Variants in RASA3 observed in about 807,000 individuals in gnomAD.
RASA3 encodes the protein RAS p21 protein activator 3.
A neutral mutation model predicts 110.0 loss-of-function variants in RASA3; 73 were observed. The observed-to-expected ratio is 0.66, with a 90% CI of 0.55 to 0.81. RASA3 has a LOEUF of 0.81. Among genes scored for constraint, RASA3 ranks in the 30% least tolerant of loss-of-function variants. The probability of loss-of-function intolerance (pLI) is 0.00; values close to 1 mark genes in which losing one functional copy is unlikely to be tolerated. For missense variants in RASA3, 976 were observed against 1,113.2 expected (o/e 0.88, Z 1.75); for synonymous variants, 500 against 451.4 (o/e 1.11, Z -1.37).
At chr13:114,021,954 C>G (rs935095213) in intron 8 of RASA3, among the ~76,000 whole-genome samples, 5 of 152,164 alleles carry the variant, frequency 3.3e-5, no homozygotes, top group Non-Finnish European at 1.5e-5. Flanking sequence ...GCTGTGTGCA[C>G]CCAGGAGCTA....
At chr13:114,042,393 C>T (rs1454665198) in intron 3 of RASA3, among the ~76,000 whole-genome samples, 1 of 152,270 alleles carries the variant, frequency 6.6e-6, no homozygotes, top group Non-Finnish European at 1.5e-5. Flanking sequence ...CATGTGAAGT[C>T]TGAGCCCATC....
Position 114,112,852 on chromosome 13 carries a change from C to T in RASA3, c.55+19583G>A, listed in dbSNP as rs1322346716. On this transcript the variant is annotated intron_variant, in intron 1 of 23. Coordinates refer to ENST00000334062, the MANE Select transcript of RASA3 (RefSeq NM_007368.4). This position sits in a 1 kb window ranked among gnomAD's most constrained non-coding sequence, Gnocchi z 4.8. ...AAAGGGTTTCCAAGAGAATCCTCAGCAAAAAAGCAACACTCGCCGTTCAGA... is the reference window on the plus strand; with the variant it reads ...AAAGGGTTTCCAAGAGAATCCTCAGTAAAAAAGCAACACTCGCCGTTCAGA... Among the ~76,000 whole-genome samples, 1 of 151,962 alleles carries T rather than the reference C, an allele frequency of 6.6e-6. No homozygotes were observed. Among genetic ancestry groups the T allele is most frequent in the Non-Finnish European group, 1.5e-5 (1 of 67,986 alleles).
intron 21 of RASA3, among the ~76,000 whole-genome samples, chr13:113,995,129 G>A (rs75833624): frequency 5.3e-4 from 80 of 152,360 alleles, no homozygotes; most frequent in African/African-American, 1.7e-3. Flanking sequence ...CTCGGCAGAC[G>A]TGTTCTCATG....
Position 114,066,485 on chromosome 13 carries a change from C to T in RASA3, c.173+7235G>A, listed in dbSNP as rs1047258213. Among the ~76,000 whole-genome samples, 4 of 152,268 alleles carry T rather than the reference C, an allele frequency of 2.6e-5. No homozygotes were observed. In the East Asian group the frequency reaches 5.8e-4, roughly 22 times the overall value. ...TTTGCTCCTCATGGGATCCTCGGTG[C>T]GGCCCCCTCGTGACAGGCCCAGCCT... On this transcript the variant is annotated intron_variant, in intron 2 of 23. Transcript: ENST00000334062.
Position 114,065,187 on chromosome 13 carries a change from A to T in RASA3, c.173+8533T>A, listed in dbSNP as rs946406314. 6.6e-6 allele frequency among the ~76,000 whole-genome samples: 1 copy of T among 152,064 alleles called. No individual in the cohort carries two copies. Among genetic ancestry groups the T allele is most frequent in the African/African-American group, 2.4e-5 (1 of 41,410 alleles). On this transcript the variant is annotated intron_variant, in intron 2 of 23. Transcript: ENST00000334062. This position sits in a 1 kb window ranked among gnomAD's most constrained non-coding sequence, Gnocchi z 4.1. ...GGGCTCAGCTGGGACCAGCAGAGAAACCCCCGCCTTCTCCTCCCTGAGTCA... is the reference window on the plus strand; with the variant it reads ...GGGCTCAGCTGGGACCAGCAGAGAATCCCCCGCCTTCTCCTCCCTGAGTCA...
chr13:113,982,557 G>C (rs2052960757), intron 22 of RASA3, among the ~76,000 whole-genome samples: 2 of 152,244 alleles, frequency 1.3e-5, no homozygotes, highest in African/African-American at 4.8e-5. Flanking sequence ...TGTGCCACCT[G>C]AGTCCAAACA....
At chr13:114,097,669 G>T (rs965183995) in intron 1 of RASA3, among the ~76,000 whole-genome samples, 2 of 152,218 alleles carry the variant, frequency 1.3e-5, no homozygotes, top group Non-Finnish European at 2.9e-5. Flanking sequence ...CCTTCTCCTC[G>T]TCCCAGTCCA....
intron 3 of RASA3, among the ~76,000 whole-genome samples, chr13:114,050,354 C>T (rs1318453543): frequency 6.6e-6 from 1 of 152,226 alleles, no homozygotes; most frequent in Non-Finnish European, 1.5e-5. Flanking sequence ...GCGGAAGCAC[C>T]CAGCACAGTG....
chr13:113,980,228 C>CG (rs71105221), intron 23 of RASA3, among the ~76,000 whole-genome samples: 1 of 143,112 alleles, frequency 7.0e-6, no homozygotes. Context: ...GCACCTCCTG[C>CG]TGTGTGCGCC....
chr13:114,024,087 TGCAAGGTGAGCCCTAACACC>T (rs1267760081), intron 8 of RASA3, among the ~76,000 whole-genome samples, 172 bp downstream of exon 8: 1 of 152,242 alleles, frequency 6.6e-6, no homozygotes, highest in Non-Finnish European at 1.5e-5. Context: ...TCGCAGGTAT[TGCAAGGTGAGCCCTAACACC>T]ACCCACAGGC....
rs79244689 is a variant in RASA3 at position 114,029,426 on chromosome 13, G to A, written c.449+385C>T. 8.7e-3 allele frequency among the ~76,000 whole-genome samples: 153 copies of A among 17,672 alleles called. 33 individuals carry two copies. The highest frequency in any genetic ancestry group is 0.069 in the African/African-American group (114 of 1,660). 11.6% of individuals were successfully genotyped at this position (17,672 alleles called of 152,430 possible). A position where few individuals can be genotyped will look rare whatever the true frequency, so the allele number is the denominator to read the frequency against. On this transcript the variant is annotated intron_variant, in intron 5 of 23. Coordinates refer to ENST00000334062, the MANE Select transcript of RASA3 (RefSeq NM_007368.4). ...TCCTGGGGGCCAGGACCTCTAAAAC[G>A]GCATCATCCTGGGGGCCAGGACCTC...
chr13:114,106,256 G>A (rs986510399), intron 1 of RASA3, among the ~76,000 whole-genome samples: 2 of 152,202 alleles, frequency 1.3e-5, no homozygotes, highest in African/African-American at 4.8e-5. Context: ...TCTCCACGGA[G>A]CAAAATAAGA....
At chr13:114,067,979 A>G (rs1303501131) in intron 2 of RASA3, among the ~76,000 whole-genome samples, 1 of 152,244 alleles carries the variant, frequency 6.6e-6, no homozygotes, top group Non-Finnish European at 1.5e-5. Flanking sequence ...CTGCGTATCC[A>G]GATCATTTTG....
intron 16 of RASA3, among the ~76,000 whole-genome samples, chr13:114,009,833 C>T (rs968505351): frequency 2.0e-5 from 3 of 152,236 alleles, no homozygotes; most frequent in African/African-American, 7.2e-5. Context: ...GTCCCAGAGC[C>T]CCCACGCCCA....
At chr13:114,064,153 G>A (rs1295468612) in intron 2 of RASA3, among the ~76,000 whole-genome samples, 1 of 152,206 alleles carries the variant, frequency 6.6e-6, no homozygotes, top group Non-Finnish European at 1.5e-5. Context: ...ATGGACCTGT[G>A]ATCAGCCAAC....
intron 1 of RASA3, among the ~76,000 whole-genome samples, chr13:114,129,390 A>G (rs1015520544): frequency 1.3e-5 from 2 of 152,222 alleles, no homozygotes; most frequent in African/African-American, 2.4e-5. Flanking sequence ...CCTCACTTCT[A>G]CGTGGCGCTC....
intron 2 of RASA3, among the ~76,000 whole-genome samples, chr13:114,067,478 G>GT (rs1033216759): frequency 6.6e-6 from 1 of 152,220 alleles, no homozygotes; most frequent in African/African-American, 2.4e-5. Context: ...CAGCAACTTG[G>GT]TTTTTATTAA....
chr13:114,018,828 G>A lies in RASA3; in HGVS notation c.877C>T (p.His293Tyr), dbSNP rs140563204. The change falls in exon 10 of 24, where the codon CAC becomes TAC. Residue 293 changes from histidine (H) to tyrosine (Y), a missense_variant. His to Tyr is a moderately conservative substitution (Grantham distance 83, BLOSUM62 2). Around this residue, in one of 4 missense-constraint regions of RASA3, gnomAD observed 732 missense variants for 779.7 expected, o/e 0.94. Coordinates refer to ENST00000334062, the MANE Select transcript of RASA3 (RefSeq NM_007368.4). ...LRLNVVYTED[H>Y]VFSSDYYSPL... ...CTGTAATAGTCAGAAGAAAACACGT[G>A]GTCTTCCGTGTATACCACGTTCAGC... 8 of 1,613,696 alleles carry A rather than the reference G, an allele frequency of 5.0e-6. No homozygotes were observed. The highest frequency in any genetic ancestry group is 1.6e-4 in the Middle Eastern group (1 of 6,082).
At chr13:113,999,406 C>T (rs923641066) in intron 20 of RASA3, among the ~76,000 whole-genome samples, 179 bp downstream of exon 20, 7 of 151,938 alleles carry the variant, frequency 4.6e-5, no homozygotes, top group South Asian at 4.2e-4. Flanking sequence ...TGCTTTGATG[C>T]GAGATTCCGA....
Sources: gnomAD v4.1 joint callset for allele counts (sites outside exome capture counted in the v4.1 genomes callset) on GRCh38, gnomAD v4.1.1 for gene constraint, gnomAD v4.1.1 regional missense constraint, Gnocchi (gnomAD v3.1) non-coding constraint, MANE v1.5 for transcripts, NCBI Gene and HGNC (gene_info 2026-07-23, HGNC 2026-07-21) for gene names.